The following KANK1 variants were observed in gnomAD, a reference collection of about 807,000 sequenced individuals.
KANK1 encodes the protein KN motif and ankyrin repeat domain-containing protein 1.
In KANK1, 109 loss-of-function variants were observed where a neutral mutation model predicts 106.2. The observed-to-expected ratio is 1.03, with a 90% CI of 0.88 to 1.20. The LOEUF (loss-of-function observed/expected upper bound fraction) is 1.20. KANK1 is among the 50% of genes most tolerant of loss of function. The pLI is 0.00. For synonymous variants in KANK1, 873 were observed against 652.2 expected (o/e 1.34, Z -5.16); for missense variants, 2,399 against 1,710.7 (o/e 1.40, Z -7.10).
At chr9:643,593 C>G (rs1306512494) in intron 1 of KANK1, among the ~76,000 whole-genome samples, 1 of 142,792 alleles carries the variant, frequency 7.0e-6, no homozygotes, top group Non-Finnish European at 1.5e-5. Flanking sequence ...CTGTGTTGCC[C>G]AAGCTGGTCT....
intron 2 of KANK1, among the ~76,000 whole-genome samples, chr9:686,106 A>G (rs1003306978): frequency 1.3e-5 from 2 of 152,200 alleles, no homozygotes; most frequent in Non-Finnish European, 2.9e-5. Context: ...TTAATATCTT[A>G]AAAACCCTAC....
intron 2 of KANK1, among the ~76,000 whole-genome samples, chr9:705,871 G>C (rs950582187): frequency 2.0e-5 from 3 of 151,980 alleles, no homozygotes; most frequent in Non-Finnish European, 2.9e-5. Flanking sequence ...AAAGTGCTGG[G>C]ATTACAGGCA....
At chr9:618,644 C>T (rs1404153839) in intron 1 of KANK1, among the ~76,000 whole-genome samples, 2 of 152,180 alleles carry the variant, frequency 1.3e-5, no homozygotes, top group African/African-American at 4.8e-5. Flanking sequence ...CACTGCTTCA[C>T]ATGCACAGTA....
intron 2 of KANK1, among the ~76,000 whole-genome samples, chr9:696,748 T>C (rs1232094771): frequency 2.0e-5 from 3 of 152,106 alleles, no homozygotes; most frequent in Non-Finnish European, 2.9e-5. Flanking sequence ...AGGATAGTGA[T>C]TGAGAAGTTG....
At chr9:630,566 C>T (rs979577967) in intron 1 of KANK1, among the ~76,000 whole-genome samples, 7 of 151,912 alleles carry the variant, frequency 4.6e-5, no homozygotes, top group Non-Finnish European at 8.8e-5. Flanking sequence ...AAGTAATAAC[C>T]TGAAGAGTAG....
intron 1 of KANK1, among the ~76,000 whole-genome samples, chr9:626,445 A>C (rs1300071612): frequency 6.6e-6 from 1 of 152,200 alleles, no homozygotes; most frequent in Non-Finnish European, 1.5e-5. Context: ...GAAACAAAAA[A>C]AAGCTGTGCC....
intron 1 of KANK1, among the ~76,000 whole-genome samples, chr9:604,224 CTAA>C (rs1231576355): frequency 6.6e-6 from 1 of 151,616 alleles, no homozygotes; most frequent in Non-Finnish European, 1.5e-5. Context: ...AATGATGATT[CTAA>C]TAATGACCAT....
At chr9:591,017 A>G (rs1824742602) in intron 1 of KANK1, among the ~76,000 whole-genome samples, 1 of 151,828 alleles carries the variant, frequency 6.6e-6, no homozygotes, top group African/African-American at 2.4e-5. Context: ...CAAACAAACA[A>G]AAAAACCTTA....
intron 2 of KANK1, chr9:707,072 C>G (rs540517594): frequency 1.7e-4 from 163 of 985,316 alleles, no homozygotes; most frequent in Non-Finnish European, 1.9e-4. Flanking sequence ...GGAGGGAGAC[C>G]TCGCCGGTGA....
At chr9:743,210 TCAAAACAC>T (rs1836164060) in intron 10 of KANK1, among the ~76,000 whole-genome samples, 1 of 152,172 alleles carries the variant, frequency 6.6e-6, no homozygotes. Flanking sequence ...CTTCTTTAGC[TCAAAACAC>T]CAAAAAGTTA....
chr9:720,678 A>G (rs1829072890), intron 3 of KANK1, among the ~76,000 whole-genome samples: 1 of 152,136 alleles, frequency 6.6e-6, no homozygotes, highest in Non-Finnish European at 1.5e-5. Flanking sequence ...TTCCTCAGAG[A>G]CGGGGTTTCA....
chr9:709,369 G>A lies in KANK1; in HGVS notation c.38-1435G>A, dbSNP rs148230628. On this transcript the variant is annotated intron_variant, in intron 2 of 11. Coordinates refer to ENST00000382297, the MANE Select transcript of KANK1 (RefSeq NM_015158.5). The stretch of plus-strand genomic sequence containing the variant: ...ATTGTAAGCCCATGGAGGTAGTCAG[G>A]AGCTGAGTGCCCTTGACCTCCATTT... Among the ~76,000 whole-genome samples, 88 of 152,280 alleles carry A rather than the reference G, an allele frequency of 5.8e-4. 2 individuals carry two copies. Among genetic ancestry groups the A allele is most frequent in the African/African-American group, 2.1e-3 (86 of 41,562 alleles).
At chr9:575,856 C>T (rs1820410714) in intron 1 of KANK1, among the ~76,000 whole-genome samples, 1 of 152,124 alleles carries the variant, frequency 6.6e-6, no homozygotes, top group Non-Finnish European at 1.5e-5. Flanking sequence ...AATCCTGTCT[C>T]TATTAAAAAT....
At chr9:516,519 T>G (rs1333176676) in intron 1 of KANK1, among the ~76,000 whole-genome samples, 1 of 151,660 alleles carries the variant, frequency 6.6e-6, no homozygotes, top group African/African-American at 2.4e-5. Context: ...AGTGATGTTC[T>G]TTCTGGTGGG....
At chr9:607,631 C>G (rs1433671983) in intron 1 of KANK1, among the ~76,000 whole-genome samples, 1 of 151,650 alleles carries the variant, frequency 6.6e-6, no homozygotes, top group African/African-American at 2.4e-5. Context: ...TGCACATGTG[C>G]CTCACCCAGT....
In KANK1 at chr9:711,395, A is replaced by C. The variant is rs755828121; in HGVS notation, c.629A>C (p.His210Pro). 3.7e-6 allele frequency: 6 copies of C among 1,614,022 alleles called. No individual in the cohort carries two copies. The highest frequency in any genetic ancestry group is 5.1e-6 in the Non-Finnish European group (6 of 1,180,032). Reference protein sequence around the residue: ...VGSGNHNPAKHQLQNGYQGNG... With the variant: ...VGSGNHNPAKPQLQNGYQGNG... ...TCTGGAAACCACAATCCTGCCAAGC[A>C]CCAGCTTCAGAATGGATACCAAGGT... The change falls in exon 3 of 12, where the codon CAC (histidine) becomes CCC (proline). Residue 210 changes from histidine to proline, a missense_variant. His to Pro is a moderately conservative substitution (Grantham distance 77). Transcript: ENST00000382297.
At chr9:703,609 A>G (rs1016969766) in intron 2 of KANK1, among the ~76,000 whole-genome samples, 5 of 152,108 alleles carry the variant, frequency 3.3e-5, no homozygotes, top group Admixed American at 6.5e-5. Flanking sequence ...AGTTGCAGAT[A>G]TAGCCAGTGG....
intron 1 of KANK1, among the ~76,000 whole-genome samples, chr9:672,228 T>G (rs1815336387): frequency 2.0e-5 from 3 of 152,204 alleles, no homozygotes; most frequent in African/African-American, 4.8e-5. Context: ...TCCCTGTGCT[T>G]GTTTCTTATG....
chr9:515,970 C>G (rs1409597236), intron 1 of KANK1, among the ~76,000 whole-genome samples: 1 of 151,726 alleles, frequency 6.6e-6, no homozygotes, highest in Non-Finnish European at 1.5e-5. Context: ...CTATTTTATC[C>G]TCTCAGTTGT....
Sources: gnomAD v4.1 joint callset for allele counts (sites outside exome capture counted in the v4.1 genomes callset) on GRCh38, gnomAD v4.1.1 for gene constraint, MANE v1.5 for transcripts, NCBI Gene and HGNC (gene_info 2026-07-23, HGNC 2026-07-21) for gene names.